Variants in MPZL2 observed in about 807,000 individuals in gnomAD.
The protein encoded by MPZL2 is myelin protein zero-like protein 2.
In MPZL2, 32 loss-of-function variants were observed where a neutral mutation model predicts 24.5. The observed-to-expected ratio is 1.31, with a 90% CI of 0.99 to 1.76. The LOEUF is 1.76. MPZL2 is among the 40% of genes most tolerant of loss of function. The pLI is 0.00. For synonymous variants in MPZL2, 92 were observed against 97.9 expected, an observed-to-expected ratio of 0.94 and a Z score of 0.36; for missense variants, 304 against 274.9, an observed-to-expected ratio of 1.11 and a Z score of -0.75.
chr11:118,260,048 C>G lies in MPZL2; in HGVS notation c.584+6G>C, dbSNP rs761055808. On this transcript the variant is annotated splice_donor_region_variant and intron_variant, in intron 4 of 5. Coordinates refer to ENST00000278937, the MANE Select transcript of MPZL2 (RefSeq NM_005797.4). ...TTAGAACTTTCCCAGAACTGCCCAG[C>G]CTTACGATTTTATCTCCACCACTTT... The G allele has an allele frequency of 3.1e-6, 5 of 1,613,658 alleles. No individual in the cohort carries two copies. The highest frequency in any genetic ancestry group is 4.2e-6 in the Non-Finnish European group (5 of 1,179,766).
intron 3 of MPZL2, among the ~76,000 whole-genome samples, chr11:118,260,814 C>A (rs1591505202): frequency 6.6e-6 from 1 of 152,250 alleles, no homozygotes; most frequent in East Asian, 1.9e-4. Flanking sequence ...AAAAGGGAAA[C>A]CAGAGGGAAG....
chr11:118,261,655 A>G (rs1321083436), intron 3 of MPZL2, among the ~76,000 whole-genome samples: 1 of 151,952 alleles, frequency 6.6e-6, no homozygotes, highest in Non-Finnish European at 1.5e-5. Context: ...GGTAAATGGT[A>G]GCAATGACTC....
intron 5 of MPZL2, among the ~76,000 whole-genome samples, chr11:118,255,976 T>C (rs893175080): frequency 6.6e-6 from 1 of 152,236 alleles, no homozygotes; most frequent in Non-Finnish European, 1.5e-5. Flanking sequence ...ACATCTCCCA[T>C]ATTTATTTTC....
Position 118,262,769 on chromosome 11 carries a change from G to A in MPZL2, c.226-121C>T, listed in dbSNP as rs1282214469. 2.2e-6 allele frequency: 3 copies of A among 1,337,602 alleles called. No individual in the cohort carries two copies. The African/African-American group carries it at 4.4e-5, about 19-fold the overall frequency. The allele number at this position is 1,337,602 out of a possible 1,614,324, so 82.9% of individuals were successfully genotyped here. On this transcript the variant is annotated intron_variant, in intron 2 of 5. Coordinates refer to ENST00000278937, the MANE Select transcript of MPZL2 (RefSeq NM_005797.4). The stretch of plus-strand genomic sequence containing the variant: ...TGTCCTGTCTGCAGCTCTGTCACTT[G>A]CTTTCCCCTTCAACGGCCTCTCAGT...
In MPZL2 at chr11:118,262,347, T is replaced by G. The variant is rs574023615; in HGVS notation, c.436+91A>C. 5 of 1,331,382 alleles carry G rather than the reference T, an allele frequency of 3.8e-6. No homozygotes were observed. The Admixed American group carries it at 9.1e-5, about 24-fold the overall frequency. The allele number at this position is 1,331,382 out of a possible 1,614,324, so 82.5% of individuals were successfully genotyped here. ...CCTCTCTCTATCCATCACAAAAGATTGTCCCTCTCTCTCAGCCTTAACAAA... is the reference window on the plus strand; with the variant it reads ...CCTCTCTCTATCCATCACAAAAGATGGTCCCTCTCTCTCAGCCTTAACAAA... On this transcript the variant is annotated intron_variant, in intron 3 of 5. Coordinates refer to ENST00000278937, the MANE Select transcript of MPZL2 (RefSeq NM_005797.4).
In MPZL2 at chr11:118,255,147, C is replaced by T. The variant is rs1005729990; in HGVS notation, c.*99G>A. ...ATATGCTGCAGAACTGGTTGGAAAACGGGTCACAACTGGAAAAGCCAAAGA... is the reference window on the plus strand; with the variant it reads ...ATATGCTGCAGAACTGGTTGGAAAATGGGTCACAACTGGAAAAGCCAAAGA... On this transcript the variant is annotated 3_prime_UTR_variant, in exon 6 of 6. Coordinates refer to ENST00000278937, the MANE Select transcript of MPZL2 (RefSeq NM_005797.4). The T allele has an allele frequency of 2.6e-5, 4 of 152,014 alleles. No homozygotes were observed. The highest frequency in any genetic ancestry group is 4.4e-5 in the Non-Finnish European group (3 of 68,024). The allele number at this position is 152,014 out of a possible 1,614,324, so 9.4% of individuals were successfully genotyped here.
At chr11:118,258,416 C>T (rs1949676628) in intron 4 of MPZL2, among the ~76,000 whole-genome samples, 1 of 152,152 alleles carries the variant, frequency 6.6e-6, no homozygotes, top group African/African-American at 2.4e-5. Flanking sequence ...ATAACTCTTA[C>T]AGTTCAACAA....
At chr11:118,257,373 C>T in intron 4 of MPZL2, 60 bp from the exon 5 acceptor site, 1 of 1,364,862 alleles carries the variant, frequency 7.3e-7, no homozygotes, top group Non-Finnish European at 1.0e-6. Flanking sequence ...GGGTAAATCC[C>T]ACAGAAGCTT....
chr11:118,258,326 T>G (rs1381830142), intron 4 of MPZL2, among the ~76,000 whole-genome samples: 2 of 152,050 alleles, frequency 1.3e-5, no homozygotes, highest in Non-Finnish European at 2.9e-5. Flanking sequence ...AAGGACACTA[T>G]GAAGAACATG....
Position 118,263,028 on chromosome 11 carries a change from G to T in MPZL2, c.128C>A (p.Ala43Asp), listed in dbSNP as rs747035958. 3 of 1,614,146 alleles carry T rather than the reference G, an allele frequency of 1.9e-6. No homozygotes were observed. Among genetic ancestry groups the T allele is most frequent in the South Asian group, 2.2e-5 (2 of 91,084 alleles). The change falls in exon 2 of 6, where the codon GCT becomes GAT. Residue 43 changes from alanine (A) to aspartate (D), a missense_variant. By Grantham distance (126) the Ala-to-Asp change is moderately radical. Coordinates refer to ENST00000278937, the MANE Select transcript of MPZL2 (RefSeq NM_005797.4). The part of the protein sequence containing the change: ...RVLEAVNGTD[A>D]RLKCTFSSFA... ...GCTGGAGAAAGTGCATTTTAACCGA[G>T]CATCTGTCCCATTAACAGCCTCCAG...
intron 4 of MPZL2, 124 bp from the exon 5 acceptor site, chr11:118,257,437 T>G: frequency 1.4e-6 from 1 of 708,638 alleles, no homozygotes; most frequent in Non-Finnish European, 2.4e-6. Context: ...CACTTGGGAG[T>G]AGATTGAAGT....
chr11:118,262,598 C>T lies in MPZL2; in HGVS notation c.276G>A (p.Lys92=). The T allele has an allele frequency of 1.2e-6, 2 of 1,614,120 alleles. No individual in the cohort carries two copies. Among genetic ancestry groups the T allele is most frequent in the Non-Finnish European group, 1.7e-6 (2 of 1,180,020 alleles). ...DPFQPMSGRF[K]DRVSWDGNPE... is the part of the protein sequence containing the mutation. ...GATTCCCATCCCAAGACACCCGGTC[C>T]TTAAACCGCCCACTCATGGGTTGGA... Residue 92 remains lysine, a synonymous_variant, in exon 3 of 6, where the codon AAG becomes AAA. Transcript: ENST00000278937.
chr11:118,263,355 C>A (rs1485985111), intron 1 of MPZL2, among the ~76,000 whole-genome samples: 3 of 152,194 alleles, frequency 2.0e-5, no homozygotes, highest in African/African-American at 4.8e-5. Flanking sequence ...AGCATTAAAG[C>A]CTCGCCTCGT....
chr11:118,263,060 G>A lies in MPZL2; in HGVS notation c.96C>T (p.Ser32=). The part of the protein sequence containing the change: ...WPIAAVEIYT[S]RVLEAVNGTD... ...TCCCATTAACAGCCTCCAGCACCCG[G>A]GAGGTATAAATTTCCACAGCTGCTA... The change falls in exon 2 of 6, where the codon TCC becomes TCT. Residue 32 remains serine, a synonymous_variant. Coordinates refer to ENST00000278937, the MANE Select transcript of MPZL2 (RefSeq NM_005797.4). The A allele has an allele frequency of 1.9e-6, 3 of 1,614,112 alleles. No homozygotes were observed. The highest frequency in any genetic ancestry group is 2.5e-6 in the Non-Finnish European group (3 of 1,180,002).
chr11:118,257,340 G>A (rs1375682230), intron 4 of MPZL2, 27 bp from the exon 5 acceptor site: 1 of 1,590,632 alleles, frequency 6.3e-7, no homozygotes, highest in Admixed American at 1.7e-5. Flanking sequence ...CCAAATGTCA[G>A]GTGAACAAGA....
In MPZL2 at chr11:118,254,812, G is replaced by A. The variant is rs1293970340; in HGVS notation, c.*434C>T. 1 of 152,152 alleles carries A rather than the reference G, an allele frequency of 6.6e-6. No homozygotes were observed. The highest frequency in any genetic ancestry group is 1.5e-5 in the Non-Finnish European group (1 of 68,032). The allele number at this position is 152,152 out of a possible 1,614,324, so 9.4% of individuals were successfully genotyped here. A position where few individuals can be genotyped will look rare whatever the true frequency, so the allele number is the denominator to read the frequency against. On this transcript the variant is annotated 3_prime_UTR_variant, in exon 6 of 6. Transcript: ENST00000278937. ...TAGCTCACCTTTTAATTGAGAATGT[G>A]GGAAGGAAAGAGAGTAAACACATTA...
In MPZL2 at chr11:118,263,304, T is replaced by C. The variant is rs184650783; in HGVS notation, c.59-207A>G. 6.3e-4 allele frequency: 337 copies of C among 531,652 alleles called. 3 individuals carry two copies. The highest frequency in any genetic ancestry group is 6.0e-3 in the African/African-American group (309 of 51,598). The allele number at this position is 531,652 out of a possible 1,614,324, so 32.9% of individuals were successfully genotyped here. A position where few individuals can be genotyped will look rare whatever the true frequency, so the allele number is the denominator to read the frequency against. Reference sequence around the variant, plus strand: ...CTCCCATTCCATGTGACAACTAAACTACCACACAGCAAGCCTTCGCAGTGC... The same window carrying C: ...CTCCCATTCCATGTGACAACTAAACCACCACACAGCAAGCCTTCGCAGTGC... On this transcript the variant is annotated intron_variant, in intron 1 of 5. Coordinates refer to ENST00000278937, the MANE Select transcript of MPZL2 (RefSeq NM_005797.4).
intron 5 of MPZL2, 74 bp downstream of exon 5, chr11:118,257,164 G>A: frequency 9.4e-7 from 1 of 1,065,914 alleles, no homozygotes; most frequent in Non-Finnish European, 1.4e-6. Context: ...GTGATGATCT[G>A]GGAGTCCTCA....
At chr11:118,257,110 C>G in intron 5 of MPZL2, 128 bp downstream of exon 5, 1 of 594,898 alleles carries the variant, frequency 1.7e-6, no homozygotes, top group Non-Finnish European at 2.9e-6. Context: ...TCTCCCTGAC[C>G]CAGCTCCTCT....
Sources: allele counts gnomAD v4.1 joint callset (sites outside exome capture counted in the v4.1 genomes callset), GRCh38; gene constraint gnomAD v4.1.1; transcripts MANE v1.5; gene names NCBI Gene and HGNC (gene_info 2026-07-23, HGNC 2026-07-21).